Variants in CAPG observed in about 807,000 individuals in gnomAD.
The protein encoded by CAPG is macrophage-capping protein.
CAPG carries 32 observed loss-of-function variants against 44.6 expected under a neutral mutation model. The ratio of observed to expected loss-of-function variants is 0.72; its 90% CI spans 0.54 to 0.96. The LOEUF (loss-of-function observed/expected upper bound fraction) is 0.96, where lower values mean the gene tolerates loss of function less well. CAPG is among the 50% of genes least tolerant of loss of function. CAPG has a pLI of 0.00. For synonymous variants in CAPG, 175 were observed against 179.6 expected, an observed-to-expected ratio of 0.97 and a Z score of 0.20; for missense variants, 412 against 438.3, an observed-to-expected ratio of 0.94 and a Z score of 0.54.
In CAPG at chr2:85,407,550, A is replaced by G. The variant is rs544548722; in HGVS notation, c.-14+2767T>C. ...CAACATGGTGAAATCCTGTCTCTAC[A>G]AAATATACAAAAATTAGCTGGGCGT... On this transcript the variant is annotated intron_variant, in intron 1 of 9. Coordinates refer to ENST00000263867, the MANE Select transcript of CAPG (RefSeq NM_001747.4). Among the ~76,000 whole-genome samples the G allele has an allele frequency of 4.9e-4, 74 of 151,420 alleles. 1 individual carries two copies. In the South Asian group the frequency reaches 0.016, roughly 32 times the overall value.
At chr2:85,396,232 C>G (rs1414534353) in intron 8 of CAPG, among the ~76,000 whole-genome samples, 1 of 152,126 alleles carries the variant, frequency 6.6e-6, no homozygotes, top group African/African-American at 2.4e-5. Flanking sequence ...GTCGCCCGGG[C>G]TGGAGTGCAG....
Position 85,401,578 on chromosome 2 carries a change from T to C in CAPG, c.302A>G (p.Asn101Ser), listed in dbSNP as rs1356638556. The C allele has an allele frequency of 6.2e-7, 1 of 1,614,168 alleles. No homozygotes were observed. Among genetic ancestry groups the C allele is most frequent in the Non-Finnish European group, 8.5e-7 (1 of 1,180,022 alleles). The change falls in exon 4 of 10, where the codon AAT becomes AGT. Residue 101 changes from asparagine to serine, a missense_variant. Coordinates refer to ENST00000263867, the MANE Select transcript of CAPG (RefSeq NM_001747.4). ...RPVQHREVQG[N>S]ESDLFMSYFP... ...GTAGCTCATGAAGAGGTCAGACTCA[T>C]TGCCCTGCACCTCGCGGTGCTGCAC...
intron 1 of CAPG, among the ~76,000 whole-genome samples, chr2:85,417,132 C>T (rs990050836): frequency 6.6e-6 from 1 of 152,204 alleles, no homozygotes; most frequent in African/African-American, 2.4e-5. Context: ...CCCCAGAAGA[C>T]AAGTTTACCC....
rs188026336 is a variant in CAPG at position 85,399,033 on chromosome 2, C to T, written c.666+103G>A. On this transcript the variant is annotated intron_variant, in intron 6 of 9. Coordinates refer to ENST00000263867, the MANE Select transcript of CAPG (RefSeq NM_001747.4). ...GCCCTAGGCAGTACACCAGATGGCC[C>T]CTGCCACCCTCCACCGGCCACTCTC... 574 of 1,334,780 alleles carry T rather than the reference C, an allele frequency of 4.3e-4. 4 individuals carry two copies. The East Asian group carries it at 0.013, about 31-fold the overall frequency. The allele number at this position is 1,334,780 out of a possible 1,614,324, so 82.7% of individuals were successfully genotyped here. A position where few individuals can be genotyped will look rare whatever the true frequency, so the allele number is the denominator to read the frequency against.
rs143274706 is a variant in CAPG, at chr2:85,407,581, C to T, written c.-14+2736G>A. Among the ~76,000 whole-genome samples, 812 of 151,734 alleles carry T rather than the reference C, an allele frequency of 5.4e-3. 3 individuals carry two copies. The highest frequency in any genetic ancestry group is 9.1e-3 in the Non-Finnish European group (619 of 67,898). Reference sequence around the variant, plus strand: ...TACAAAAATTAGCTGGGCGTGGTGGCGCACACCTGTCATCCTAGCTACTTG... The same window carrying T: ...TACAAAAATTAGCTGGGCGTGGTGGTGCACACCTGTCATCCTAGCTACTTG... On this transcript the variant is annotated intron_variant, in intron 1 of 9. Coordinates refer to ENST00000263867, the MANE Select transcript of CAPG (RefSeq NM_001747.4).
chr2:85,409,495 G>T (rs1687320928), intron 1 of CAPG, among the ~76,000 whole-genome samples: 1 of 152,052 alleles, frequency 6.6e-6, no homozygotes, highest in African/African-American at 2.4e-5. Context: ...GCCTTCCTCA[G>T]ACCCTGATTC....
chr2:85,400,843 T>G (rs147250709), intron 5 of CAPG, among the ~76,000 whole-genome samples: 2 of 152,286 alleles, frequency 1.3e-5, no homozygotes, highest in East Asian at 3.9e-4. Flanking sequence ...ATGGTCCCTG[T>G]GCTGGCTCAG....
At chr2:85,401,078 T>C in intron 5 of CAPG, 87 bp downstream of exon 5, 2 of 1,308,240 alleles carry the variant, frequency 1.5e-6, no homozygotes, top group South Asian at 2.7e-5. Flanking sequence ...CTTCTCAGCT[T>C]CTCTCCCTCT....
downstream of CAPG, chr2:85,391,812 G>A (rs539592128): frequency 3.9e-5 from 6 of 152,658 alleles, no homozygotes; most frequent in African/African-American, 9.6e-5. Context: ...CTGTCATTCC[G>A]GAACCTGGTT....
chr2:85,395,525 C>T lies in CAPG; in HGVS notation c.981+13G>A, dbSNP rs376244267. 1.4e-5 allele frequency: 22 copies of T among 1,608,690 alleles called. No homozygotes were observed. The highest frequency in any genetic ancestry group is 3.3e-4 in the Middle Eastern group (2 of 6,080). ...CCCTAGGAAGAGGGCTGTGGTTGTGCGCATCTCCTCACCTGAGTGTTCGGG... is the reference window on the plus strand; with the variant it reads ...CCCTAGGAAGAGGGCTGTGGTTGTGTGCATCTCCTCACCTGAGTGTTCGGG... On this transcript the variant is annotated intron_variant, in intron 9 of 9. Coordinates refer to ENST00000263867, the MANE Select transcript of CAPG (RefSeq NM_001747.4). This position sits in a 1 kb window ranked among gnomAD's most constrained non-coding sequence, Gnocchi z 4.3.
In CAPG at chr2:85,402,529, C is replaced by T. The variant is rs762293918; in HGVS notation, c.-13-371G>A. On this transcript the variant is annotated intron_variant, in intron 1 of 9. Coordinates refer to ENST00000263867, the MANE Select transcript of CAPG (RefSeq NM_001747.4). ...TTGCCCAGGCTGGAGTGCAGTGGTG[C>T]GATCTCGCCTCACTGCAACCTCCGC... is the stretch of plus-strand genomic sequence containing the variant. Among the ~76,000 whole-genome samples, 5 of 149,840 alleles carry T rather than the reference C, an allele frequency of 3.3e-5. No individual in the cohort carries two copies. The East Asian group carries it at 5.9e-4, about 18-fold the overall frequency.
chr2:85,396,291 T>C (rs76559071), intron 8 of CAPG, among the ~76,000 whole-genome samples: 3,600 of 151,892 alleles, frequency 0.024, 149 homozygotes, highest in African/African-American at 0.082. Context: ...GCTCAAGCAA[T>C]CTGCCCACCT....
intron 1 of CAPG, among the ~76,000 whole-genome samples, chr2:85,404,274 A>C (rs11679445): frequency 0.062 from 7,095 of 114,488 alleles, 202 homozygotes; most frequent in Non-Finnish European, 0.079. Flanking sequence ...CTCACAACGC[A>C]AAAAAAAAAA....
chr2:85,398,663 G>C (rs1686726604), intron 7 of CAPG, 27 bp downstream of exon 7: 1 of 1,564,500 alleles, frequency 6.4e-7, no homozygotes, highest in Non-Finnish European at 8.7e-7. Flanking sequence ...CTGCTGCCGG[G>C]TCCCAGGGCA....
At chr2:85,391,949 A>C (rs926346510), downstream of CAPG, among the ~76,000 whole-genome samples, 1 of 152,204 alleles carries the variant, frequency 6.6e-6, no homozygotes, top group East Asian at 1.9e-4. Flanking sequence ...ATCCTCTGCT[A>C]TACTTACAAG....
intron 8 of CAPG, among the ~76,000 whole-genome samples, chr2:85,396,404 G>A (rs1316111507): frequency 6.6e-6 from 1 of 152,014 alleles, no homozygotes; most frequent in Non-Finnish European, 1.5e-5. Context: ...ATGTTGCCCA[G>A]GCTGCCAGAC....
At chr2:85,419,473 G>T (rs1187214833), upstream of CAPG, among the ~76,000 whole-genome samples, 2 of 152,182 alleles carry the variant, frequency 1.3e-5, no homozygotes, top group African/African-American at 4.8e-5. Flanking sequence ...CTGTGCTGAG[G>T]CCCTACTTCA....
downstream of CAPG, among the ~76,000 whole-genome samples, chr2:85,393,709 C>A (rs1350555279): frequency 1.3e-5 from 2 of 152,154 alleles, no homozygotes; most frequent in Non-Finnish European, 2.9e-5. Context: ...AGATTACAGG[C>A]ATGCGCAACC....
In CAPG at chr2:85,399,276, C is replaced by T. The variant is rs140123804; in HGVS notation, c.526G>A (p.Ala176Thr). 7 of 1,613,952 alleles carry T rather than the reference C, an allele frequency of 4.3e-6. No homozygotes were observed. Among genetic ancestry groups the T allele is most frequent in the African/African-American group, 1.3e-5 (1 of 74,940 alleles). ...ATGTTGGACTTTCCACCACACCAGG[C>T]GAAGATGTTCTGCAAGGAAGCAGGA... ...FILDLGQNIF[A>T]WCGGKSNILE... Residue 176 changes from alanine to threonine, a missense_variant, in exon 6 of 10, where the codon GCC (alanine) becomes ACC (threonine). Physicochemically the swap from Ala to Thr is moderately conservative, Grantham distance 58. Coordinates refer to ENST00000263867, the MANE Select transcript of CAPG (RefSeq NM_001747.4).
Sources: allele counts gnomAD v4.1 joint callset (sites outside exome capture counted in the v4.1 genomes callset), GRCh38; gene constraint gnomAD v4.1.1; non-coding constraint Gnocchi (gnomAD v3.1); transcripts MANE v1.5; gene names NCBI Gene and HGNC (gene_info 2026-07-23, HGNC 2026-07-21).